The following SYNE2 variants were observed in gnomAD, a reference collection of about 807,000 sequenced individuals.
SYNE2 encodes nesprin-2.
A neutral mutation model predicts 856.3 loss-of-function variants in SYNE2; 431 were observed. That is an observed-to-expected ratio of 0.50 (90% CI 0.47 to 0.55). The LOEUF is 0.55. Ranked by LOEUF, SYNE2 falls within the 20% of genes least tolerant of loss-of-function variation. The probability of loss-of-function intolerance (pLI) is 0.00; values close to 1 mark genes in which losing one functional copy is unlikely to be tolerated. For synonymous variants in SYNE2, 2,923 were observed against 2,872.3 expected (o/e 1.02, Z -0.56); for missense variants, 8,129 against 8,023.2 (o/e 1.01, Z -0.50).
rs1407801436 is a variant in SYNE2 at position 64,073,977 on chromosome 14, G to A, written c.10707G>A (p.Gln3569=). ...SMKERCNKLL[Q]KVQKNKELVQ... ...TGACGTTCTCTTTTAGGCTTCTTCA[G>A]AAAGTTCAGAAAAATAAAGAATTGG... is the stretch of plus-strand genomic sequence containing the variant. The change falls in exon 53 of 116, where the codon CAG becomes CAA. Residue 3569 remains glutamine (Q), a synonymous_variant. Transcript: ENST00000555002. The A allele has an allele frequency of 6.2e-7, 1 of 1,614,048 alleles. No individual in the cohort carries two copies. Among genetic ancestry groups the A allele is most frequent in the Admixed American group, 1.7e-5 (1 of 60,018 alleles).
intron 1 of SYNE2, among the ~76,000 whole-genome samples, chr14:63,798,928 G>A (rs1176855272): frequency 6.6e-6 from 1 of 152,098 alleles, no homozygotes; most frequent in Non-Finnish European, 1.5e-5. Context: ...GAGATGACCC[G>A]ATATCCTGCT....
At chr14:63,797,475 G>T (rs946491283) in intron 1 of SYNE2, among the ~76,000 whole-genome samples, 2 of 151,932 alleles carry the variant, frequency 1.3e-5, no homozygotes, top group African/African-American at 2.4e-5. Flanking sequence ...AACTTGTTTG[G>T]AGCCTAATTT....
rs554499527 is a variant in SYNE2 at position 64,216,863 on chromosome 14, T to C, written c.19542+476T>C. On this transcript the variant is annotated intron_variant, in intron 108 of 115. Transcript: ENST00000555002. ...CCTCAGCCTCCCAAGTAGCTGCGAT[T>C]ACAGGTGTGCACCACCATGCCTGGC... is the stretch of plus-strand genomic sequence containing the variant. Among the ~76,000 whole-genome samples the C allele has an allele frequency of 8.3e-4, 126 of 152,368 alleles. 3 individuals carry two copies. In the South Asian group the frequency reaches 0.025, roughly 31 times the overall value.
intron 11 of SYNE2, among the ~76,000 whole-genome samples, chr14:63,975,243 C>A (rs779410327): frequency 4.9e-4 from 75 of 152,114 alleles, no homozygotes; most frequent in Admixed American, 2.0e-3. Flanking sequence ...TCTTTCCATT[C>A]TCCTTTCTCC....
In SYNE2 at chr14:64,048,159, T is replaced by G. The variant is rs1036573871; in HGVS notation, c.7377+4T>G. 2.5e-6 allele frequency: 4 copies of G among 1,612,186 alleles called. No homozygotes were observed. The African/African-American group carries it at 5.3e-5, about 22-fold the overall frequency. On this transcript the variant is annotated splice_donor_region_variant and intron_variant, in intron 46 of 115. Transcript: ENST00000555002. Reference sequence around the variant, plus strand: ...TGAACAATTAGAAGAGATAGAGGTATGGAAACATAAAAACACTGACAACAT... The same window carrying G: ...TGAACAATTAGAAGAGATAGAGGTAGGGAAACATAAAAACACTGACAACAT...
intron 45 of SYNE2, among the ~76,000 whole-genome samples, chr14:64,038,256 G>A (rs1248493122): frequency 6.6e-6 from 1 of 150,392 alleles, no homozygotes; most frequent in Non-Finnish European, 1.5e-5. Flanking sequence ...CGGCCGGGAA[G>A]AGGCGCTCCT....
chr14:64,173,962 C>T, intron 94 of SYNE2: 1 of 696,166 alleles, frequency 1.4e-6, no homozygotes. Context: ...CTACTCTCTG[C>T]ACACTGCCTG....
chr14:63,945,104 C>CTTTTT (rs34692882), intron 6 of SYNE2, among the ~76,000 whole-genome samples: 4 of 106,252 alleles, frequency 3.8e-5, no homozygotes, highest in East Asian at 2.7e-4. Context: ...CACACCTGGC[C>CTTTTT]TTTTTTTTTT....
intron 2 of SYNE2, among the ~76,000 whole-genome samples, chr14:63,928,122 C>G (rs550946613): frequency 6.6e-6 from 1 of 151,258 alleles, no homozygotes; most frequent in East Asian, 1.9e-4. Context: ...GAAGTAGATA[C>G]CAGAGCTATG....
chr14:63,952,422 T>G (rs1216478117), intron 7 of SYNE2, among the ~76,000 whole-genome samples: 1 of 152,238 alleles, frequency 6.6e-6, no homozygotes, highest in Non-Finnish European at 1.5e-5. Context: ...TTGCATTACT[T>G]TTGCCATTGC....
intron 1 of SYNE2, among the ~76,000 whole-genome samples, chr14:63,837,594 C>T (rs985335330): frequency 2.0e-5 from 3 of 152,108 alleles, no homozygotes; most frequent in Middle Eastern, 3.4e-3. Context: ...TGCAACTCCA[C>T]AGTAAAAACA....
Position 64,137,926 on chromosome 14 carries a change from A to G in SYNE2, c.14786A>G (p.Asn4929Ser), listed in dbSNP as rs2098108416. The change falls in exon 79 of 116, where the codon AAC becomes AGC. Residue 4929 changes from asparagine to serine, a missense_variant. By Grantham distance (46) the Asn-to-Ser change is conservative. Transcript: ENST00000555002. The stretch of plus-strand genomic sequence containing the variant: ...CTGGAAGAGCAGTGGTTGTCCCTGA[A>G]CAAGAAAATTGACCATGAGCTCCAC... ...AKLEEQWLSL[N>S]KKIDHELHRL... 6.2e-7 allele frequency: 1 copy of G among 1,614,184 alleles called. No individual in the cohort carries two copies. The highest frequency in any genetic ancestry group is 8.5e-7 in the Non-Finnish European group (1 of 1,180,030).
At chr14:63,935,075 A>C (rs1360332598) in intron 2 of SYNE2, among the ~76,000 whole-genome samples, 2 of 151,686 alleles carry the variant, frequency 1.3e-5, no homozygotes, top group Non-Finnish European at 2.9e-5. Context: ...TTCTCATGCT[A>C]GGGGACAAAA....
At chr14:64,051,313 CTTT>C (rs1025969839) in intron 47 of SYNE2, among the ~76,000 whole-genome samples, 1 of 141,742 alleles carries the variant, frequency 7.1e-6, no homozygotes. Context: ...ATTTTCTTTG[CTTT>C]TTTTTTTTCA....
chr14:64,003,297 T>C lies in SYNE2; in HGVS notation c.4364T>C (p.Leu1455Pro), dbSNP rs1218339740. 1 of 1,614,114 alleles carries C rather than the reference T, an allele frequency of 6.2e-7. No individual in the cohort carries two copies. Among genetic ancestry groups the C allele is most frequent in the Non-Finnish European group, 8.5e-7 (1 of 1,180,016 alleles). The change falls in exon 30 of 116, where the codon CTT becomes CCT. Residue 1455 changes from leucine (L) to proline (P), a missense_variant. Physicochemically the swap from Leu to Pro is moderately conservative, Grantham distance 98. Coordinates refer to ENST00000555002, the MANE Select transcript of SYNE2 (RefSeq NM_182914.3). ...DVQSQISKIGLKDPTVPAVKH... is the reference protein window; with the variant it reads ...DVQSQISKIGPKDPTVPAVKH... ...CAGAGTCAAATCAGTAAAATTGGTC[T>C]TAAGGATCCTACTGTTCCAGCTGTG...
chr14:63,840,439 CT>C (rs1890020542), intron 1 of SYNE2, among the ~76,000 whole-genome samples: 2 of 98,512 alleles, frequency 2.0e-5, no homozygotes, highest in Non-Finnish European at 4.3e-5. Context: ...TCCTTCCTTC[CT>C]TCCTTCCTTC....
At position 64,132,420 on chromosome 14, in the gene SYNE2, G is replaced by A; in HGVS notation, c.14496G>A (p.Lys4832=). 6.2e-7 allele frequency: 1 copy of A among 1,614,202 alleles called. No individual in the cohort carries two copies. The highest frequency in any genetic ancestry group is 8.5e-7 in the Non-Finnish European group (1 of 1,180,036). ...AAAAGTCACGCCAATGTGGTATGAA[G>A]CTGCAGAGTTTGTTGCAGGTATTTG... The part of the protein sequence containing the change: ...LEEKSRQCGM[K]LQSLLQKWEE... Residue 4832 remains lysine, a synonymous_variant, in exon 77 of 116, where the codon AAG becomes AAA. Coordinates refer to ENST00000555002, the MANE Select transcript of SYNE2 (RefSeq NM_182914.3).
At chr14:63,842,112 G>A (rs1355349531) in intron 1 of SYNE2, among the ~76,000 whole-genome samples, 1 of 145,288 alleles carries the variant, frequency 6.9e-6, no homozygotes, top group Non-Finnish European at 1.5e-5. Flanking sequence ...GGGATTACAG[G>A]CGTAAGCACC....
At chr14:64,099,715 G>A (rs1268764479) in intron 63 of SYNE2, 1 of 151,886 alleles carries the variant, frequency 6.6e-6, no homozygotes, top group African/African-American at 2.4e-5. Flanking sequence ...CAACAAAAAA[G>A]TACATGTTCA....
Sources: gnomAD v4.1 joint callset for allele counts (sites outside exome capture counted in the v4.1 genomes callset) on GRCh38, gnomAD v4.1.1 for gene constraint, MANE v1.5 for transcripts, NCBI Gene and HGNC (gene_info 2026-07-23, HGNC 2026-07-21) for gene names.